HS6ST2: variants seen among roughly 807,000 people sequenced by gnomAD.
HS6ST2 encodes the protein heparan sulfate 6-O-sulfotransferase 2.
HS6ST2 carries 17 observed loss-of-function variants against 33.0 expected under a neutral mutation model. That is an observed-to-expected ratio of 0.52 (90% CI 0.35 to 0.77). The LOEUF (loss-of-function observed/expected upper bound fraction) is 0.77, where lower values mean the gene tolerates loss of function less well. HS6ST2 is among the 30% of genes least tolerant of loss of function. HS6ST2 has a pLI of 0.01. For missense variants in HS6ST2, 519 were observed against 551.7 expected (o/e 0.94, Z 0.59); for synonymous variants, 248 against 237.1 (o/e 1.05, Z -0.42).
chrX:132,960,164 T>C (rs763761953), upstream of HS6ST2, among the ~76,000 whole-genome samples: 1 of 111,902 alleles, frequency 8.9e-6, no homozygotes, highest in East Asian at 2.8e-4. Flanking sequence ...ACCTCTCAGC[T>C]TCCCCAAGAG....
At chrX:132,822,871 C>T (rs1342231215) in intron 2 of HS6ST2, among the ~76,000 whole-genome samples, 1 of 112,125 alleles carries the variant, frequency 8.9e-6, no homozygotes, top group Non-Finnish European at 1.9e-5. Flanking sequence ...GCACAAGATT[C>T]TCGTCTGGAA....
At chrX:132,909,998 G>A (rs950896665) in intron 2 of HS6ST2, among the ~76,000 whole-genome samples, 1 of 110,264 alleles carries the variant, frequency 9.1e-6, no homozygotes, top group African/African-American at 3.3e-5. Context: ...TCAGACGCCC[G>A]CACCCATCCT....
At chrX:132,824,892 C>A (rs996106828) in intron 2 of HS6ST2, among the ~76,000 whole-genome samples, 3 of 112,380 alleles carry the variant, frequency 2.7e-5, no homozygotes. Context: ...ACCAAAAACT[C>A]ATTTTATAGC....
At chrX:132,879,927 C>A (rs1448149242) in intron 2 of HS6ST2, among the ~76,000 whole-genome samples, 1 of 111,386 alleles carries the variant, frequency 9.0e-6, no homozygotes, top group Non-Finnish European at 1.9e-5. Flanking sequence ...TGGCACATCT[C>A]CTCCACTTCT....
intron 2 of HS6ST2, among the ~76,000 whole-genome samples, chrX:132,909,935 A>G (rs2066516321): frequency 9.0e-6 from 1 of 111,370 alleles, no homozygotes; most frequent in Non-Finnish European, 1.9e-5. Context: ...TTTAACCACC[A>G]CCAAGAATGA....
At chrX:132,835,439 C>T (rs1055109201) in intron 2 of HS6ST2, among the ~76,000 whole-genome samples, 1 of 111,753 alleles carries the variant, frequency 8.9e-6, no homozygotes, top group South Asian at 3.9e-4. Context: ...CCAGTAAAGG[C>T]AGTAATGACA....
intron 2 of HS6ST2, among the ~76,000 whole-genome samples, chrX:132,894,985 T>C (rs2066360411): frequency 8.9e-6 from 1 of 112,549 alleles, no homozygotes; most frequent in Non-Finnish European, 1.9e-5. Context: ...ACTAAGTGAA[T>C]GTGTATTTTT....
chrX:132,850,667 T>C (rs1305580223), intron 2 of HS6ST2, among the ~76,000 whole-genome samples: 1 of 110,681 alleles, frequency 9.0e-6, no homozygotes, highest in African/African-American at 3.3e-5. Context: ...TACAGATGTA[T>C]GAACATAATT....
At chrX:132,872,687 T>C (rs1033195737) in intron 2 of HS6ST2, among the ~76,000 whole-genome samples, 1 of 111,994 alleles carries the variant, frequency 8.9e-6, no homozygotes, top group African/African-American at 3.2e-5. Context: ...AAAAGGTTTA[T>C]TGAGAAGCTG....
At chrX:132,954,402 G>A (rs958573942) in intron 2 of HS6ST2, among the ~76,000 whole-genome samples, 7 of 111,509 alleles carry the variant, frequency 6.3e-5, no homozygotes, top group Non-Finnish European at 1.3e-4. Context: ...TTTCACCATC[G>A]GTGCAGCTGC....
At chrX:132,809,767 G>A (rs2065322032) in intron 2 of HS6ST2, among the ~76,000 whole-genome samples, 1 of 111,467 alleles carries the variant, frequency 9.0e-6, no homozygotes. Context: ...GCTTCCCCAG[G>A]ACAAAAATAG....
intron 2 of HS6ST2, among the ~76,000 whole-genome samples, chrX:132,746,483 C>A (rs911251513): frequency 9.1e-6 from 1 of 109,964 alleles, no homozygotes; most frequent in Non-Finnish European, 1.9e-5. Context: ...AGCAACAGAG[C>A]GAGACTCCGT....
intron 2 of HS6ST2, among the ~76,000 whole-genome samples, chrX:132,756,820 GGTGTGTGTGTGT>G (rs3065679): frequency 3.1e-5 from 3 of 97,327 alleles, no homozygotes; most frequent in Admixed American, 2.3e-4. Context: ...CCCTGTGCAT[GGTGTGTGTGTGT>G]GTGTGTGTGT....
intron 2 of HS6ST2, among the ~76,000 whole-genome samples, chrX:132,895,223 T>C (rs2066362601): frequency 1.8e-5 from 2 of 111,921 alleles, no homozygotes; most frequent in African/African-American, 6.5e-5. Context: ...TTACTTTATG[T>C]TGAAGTGTGT....
intron 2 of HS6ST2, among the ~76,000 whole-genome samples, chrX:132,777,533 C>G (rs762131087): frequency 4.6e-5 from 5 of 109,310 alleles, no homozygotes; most frequent in African/African-American, 1.7e-4. Flanking sequence ...AGGATTCAGG[C>G]GATTCTCCTG....
intron 3 of HS6ST2, among the ~76,000 whole-genome samples, chrX:132,685,704 T>C (rs776227781): frequency 7.2e-5 from 8 of 111,652 alleles, no homozygotes; most frequent in Admixed American, 5.7e-4. Context: ...TAGGACCCAG[T>C]CTGATCATCC....
chrX:132,957,413 G>T (rs2067093784), intron 1 of HS6ST2, 87 bp from the exon 2 acceptor site: 1 of 991,833 alleles, frequency 1.0e-6, no homozygotes, highest in Non-Finnish European at 1.3e-6. Flanking sequence ...CCCTGGAGCC[G>T]CTGCTGCGCC....
chrX:132,822,891 G>T (rs1017157313), intron 2 of HS6ST2, among the ~76,000 whole-genome samples: 4 of 112,061 alleles, frequency 3.6e-5, no homozygotes, highest in African/African-American at 9.7e-5. Flanking sequence ...AGGAACAGGG[G>T]CTGACAGAAC....
At position 132,781,043 on chromosome X, in the gene HS6ST2, C is replaced by T. The variant is rs182939690; in HGVS notation, c.948-72549G>A. Among the ~76,000 whole-genome samples, 293 of 112,205 alleles carry T rather than the reference C, an allele frequency of 2.6e-3. 1 individual carries two copies. Among genetic ancestry groups the T allele is most frequent in the African/African-American group, 9.0e-3 (278 of 30,890 alleles). The stretch of plus-strand genomic sequence containing the variant: ...GACTGTAGCTGAACACATTAGCAAA[C>T]ACTCTGGATTGACATGTCCTCCACC... On this transcript the variant is annotated intron_variant, in intron 2 of 4. Coordinates refer to ENST00000370833, the MANE Select transcript of HS6ST2 (RefSeq NM_001394073.1).
Sources: allele counts gnomAD v4.1 joint callset (sites outside exome capture counted in the v4.1 genomes callset), GRCh38; gene constraint gnomAD v4.1.1; transcripts MANE v1.5; gene names NCBI Gene and HGNC (gene_info 2026-07-23, HGNC 2026-07-21).